The following ULK4 variants were observed in gnomAD, a reference collection of about 807,000 sequenced individuals.
ULK4 encodes the protein unc-51 like kinase 4.
A neutral mutation model predicts 160.6 loss-of-function variants in ULK4; 133 were observed. That is an observed-to-expected ratio of 0.83 (90% CI 0.72 to 0.96). The LOEUF is 0.96. ULK4 is among the 40% of genes least tolerant of loss of function. The pLI is 0.00. For missense variants in ULK4, 1,580 were observed against 1,499.5 expected (o/e 1.05, Z -0.89); for synonymous variants, 534 against 539.8 (o/e 0.99, Z 0.15).
At chr3:41,813,024 T>TA (rs2040862896) in intron 19 of ULK4, among the ~76,000 whole-genome samples, 1 of 152,194 alleles carries the variant, frequency 6.6e-6, no homozygotes, top group South Asian at 2.1e-4. Context: ...CAACATTTTT[T>TA]AGCTTACATA....
chr3:41,845,768 C>A (rs1457589477), intron 17 of ULK4, among the ~76,000 whole-genome samples: 1 of 151,900 alleles, frequency 6.6e-6, no homozygotes, highest in African/African-American at 2.4e-5. Context: ...TGATATTTGT[C>A]CCCCCCAAAT....
At chr3:41,415,556 C>G (rs942654034) in intron 34 of ULK4, among the ~76,000 whole-genome samples, 3 of 152,176 alleles carry the variant, frequency 2.0e-5, no homozygotes, top group Non-Finnish European at 4.4e-5. Context: ...CTGCAATCTC[C>G]TCTGCCTGGG....
chr3:41,274,824 G>A (rs1169891346), intron 35 of ULK4, among the ~76,000 whole-genome samples: 1 of 152,182 alleles, frequency 6.6e-6, no homozygotes, highest in Non-Finnish European at 1.5e-5. Context: ...TGAGTCTCAT[G>A]TATCTCGTGG....
intron 25 of ULK4, 115 bp downstream of exon 25, chr3:41,715,122 G>A (rs577837175): frequency 1.9e-6 from 2 of 1,074,696 alleles, no homozygotes; most frequent in African/African-American, 1.6e-5. Flanking sequence ...CACTTCCCTA[G>A]AGACAAATAA....
intron 17 of ULK4, among the ~76,000 whole-genome samples, chr3:41,851,201 T>C (rs57653201): frequency 0.18 from 27,446 of 152,072 alleles, 2,556 homozygotes; most frequent in Middle Eastern, 0.33. Context: ...CAGTATGATA[T>C]TGGCTGTGGG....
At chr3:41,353,619 G>A (rs963603748) in intron 35 of ULK4, among the ~76,000 whole-genome samples, 5 of 151,810 alleles carry the variant, frequency 3.3e-5, no homozygotes, top group African/African-American at 7.2e-5. Context: ...AGTCAGCTAC[G>A]ATTATGCCAC....
chr3:41,341,964 A>C (rs536173028), intron 35 of ULK4, among the ~76,000 whole-genome samples: 1 of 152,354 alleles, frequency 6.6e-6, no homozygotes, highest in Non-Finnish European at 1.5e-5. Context: ...AACAAATTTT[A>C]CTATATTAAA....
intron 32 of ULK4, among the ~76,000 whole-genome samples, chr3:41,466,019 A>T (rs1200068207): frequency 6.6e-6 from 1 of 152,200 alleles, no homozygotes. Flanking sequence ...CATTGTGAAC[A>T]TAATGCATTT....
chr3:41,957,581 C>T (rs1353473673), intron 1 of ULK4, among the ~76,000 whole-genome samples: 1 of 151,986 alleles, frequency 6.6e-6, no homozygotes, highest in African/African-American at 2.4e-5. Flanking sequence ...GGCACGGTTG[C>T]TCGCACCTAT....
intron 35 of ULK4, among the ~76,000 whole-genome samples, chr3:41,325,786 G>A (rs1218390352): frequency 6.6e-6 from 1 of 151,954 alleles, no homozygotes; most frequent in East Asian, 1.9e-4. Flanking sequence ...AGGCATGGTG[G>A]TGGGCACCTG....
chr3:41,333,813 T>A (rs1432683545), intron 35 of ULK4, among the ~76,000 whole-genome samples: 1 of 152,040 alleles, frequency 6.6e-6, no homozygotes, highest in Non-Finnish European at 1.5e-5. Flanking sequence ...GAATTCAGAA[T>A]CCTAAACACC....
chr3:41,772,207 A>G lies in ULK4; in HGVS notation c.2193+17454T>C, dbSNP rs140517560. Among the ~76,000 whole-genome samples the G allele has an allele frequency of 3.6e-3, 542 of 152,382 alleles. 2 individuals are homozygous for G. Among genetic ancestry groups the G allele is most frequent in the African/African-American group, 0.012 (518 of 41,602 alleles). ...TTCAAAAGCTAGCAGAAAGCAAGAA[A>G]TAACTATGATCAGAGCAGAACTGAA... On this transcript the variant is annotated intron_variant, in intron 21 of 36. Coordinates refer to ENST00000301831, the MANE Select transcript of ULK4 (RefSeq NM_017886.4).
intron 30 of ULK4, among the ~76,000 whole-genome samples, chr3:41,634,762 G>A (rs1453100993): frequency 6.6e-6 from 1 of 152,186 alleles, no homozygotes; most frequent in Non-Finnish European, 1.5e-5. Context: ...TTAAATTTAT[G>A]TTAAACATGG....
At chr3:41,496,207 A>T (rs1355170693) in intron 32 of ULK4, among the ~76,000 whole-genome samples, 4 of 152,164 alleles carry the variant, frequency 2.6e-5, no homozygotes, top group African/African-American at 4.8e-5. Flanking sequence ...GTCACTCTTA[A>T]ATAAATGAAT....
chr3:41,578,913 A>C (rs1464220907), intron 31 of ULK4, among the ~76,000 whole-genome samples: 1 of 152,212 alleles, frequency 6.6e-6, no homozygotes, highest in Admixed American at 6.5e-5. Context: ...TTCTTCAGTC[A>C]AGCTAGGTTG....
intron 32 of ULK4, among the ~76,000 whole-genome samples, chr3:41,528,882 GCTT>G (rs1486060684): frequency 2.0e-4 from 31 of 152,224 alleles, no homozygotes; most frequent in Non-Finnish European, 2.5e-4. Context: ...TAAGTACTGG[GCTT>G]AATACCTGGG....
chr3:41,300,838 T>TAC (rs1491289779), intron 35 of ULK4, among the ~76,000 whole-genome samples: 9 of 9,780 alleles, frequency 9.2e-4, no homozygotes, highest in African/African-American at 2.3e-3. Flanking sequence ...TTTTACAGAT[T>TAC]ATATATATAT....
intron 32 of ULK4, among the ~76,000 whole-genome samples, chr3:41,477,987 T>C (rs986058457): frequency 1.3e-5 from 2 of 152,266 alleles, no homozygotes; most frequent in Non-Finnish European, 1.5e-5. Context: ...CATAGGTGTC[T>C]ACATTGTGCT....
chr3:41,736,080 C>G (rs1176856107), intron 22 of ULK4, among the ~76,000 whole-genome samples: 1 of 151,394 alleles, frequency 6.6e-6, no homozygotes, highest in East Asian at 1.9e-4. Context: ...TTTTCTTAAT[C>G]CAGTCTATCA....
Sources: allele counts gnomAD v4.1 joint callset (sites outside exome capture counted in the v4.1 genomes callset), GRCh38; gene constraint gnomAD v4.1.1; transcripts MANE v1.5; gene names NCBI Gene and HGNC (gene_info 2026-07-23, HGNC 2026-07-21).